COL21A1: variants seen among roughly 807,000 people sequenced by gnomAD.
The protein encoded by COL21A1 is collagen alpha-1(XXI) chain.
A neutral mutation model predicts 137.9 loss-of-function variants in COL21A1; 149 were observed. The observed-to-expected ratio is 1.08, with a 90% CI of 0.95 to 1.24. COL21A1 has a LOEUF of 1.24. Among genes scored for constraint, COL21A1 ranks in the 50% most tolerant of loss-of-function variants. The pLI, the probability that COL21A1 is intolerant of heterozygous loss-of-function variation, is 0.00. For missense variants in COL21A1, 1,167 were observed against 1,158.4 expected, an observed-to-expected ratio of 1.01 and a Z score of -0.11; for synonymous variants, 456 against 391.5, an observed-to-expected ratio of 1.16 and a Z score of -1.95.
chr6:56,238,339 A>T (rs565744654), intron 1 of COL21A1, among the ~76,000 whole-genome samples: 95 of 151,502 alleles, frequency 6.3e-4, no homozygotes, highest in African/African-American at 2.2e-3. Flanking sequence ...AAATTGATGC[A>T]TATCTATACT....
At chr6:56,336,600 T>C (rs893798737) in intron 1 of COL21A1, among the ~76,000 whole-genome samples, 3 of 152,198 alleles carry the variant, frequency 2.0e-5, no homozygotes, top group Non-Finnish European at 4.4e-5. Flanking sequence ...CATGTTTTCC[T>C]CAAGGATATG....
chr6:56,168,139 T>A lies in COL21A1; in HGVS notation c.1185A>T (p.Lys395Asn). The change falls in exon 6 of 30, where the codon AAA becomes AAT. Residue 395 changes from lysine to asparagine, a missense_variant. Lys to Asn is a moderately conservative substitution (Grantham distance 94, BLOSUM62 0). Transcript: ENST00000244728. ...GQTQIGKYSG[K>N]EETVQFDVQK... is the part of the protein sequence containing the mutation. ...ATTTATCTACCTGAACAGTTTCTTC[T>A]TTTCCAGAATATTTTCCAATTTGGG... 1.3e-6 allele frequency: 2 copies of A among 1,523,134 alleles called. No homozygotes were observed. The highest frequency in any genetic ancestry group is 1.8e-6 in the Non-Finnish European group (2 of 1,130,400). The allele number at this position is 1,523,134 out of a possible 1,614,324, so 94.4% of individuals were successfully genotyped here. A position where few individuals can be genotyped will look rare whatever the true frequency, so the allele number is the denominator to read the frequency against.
In COL21A1 at chr6:56,069,137, C is replaced by T; in HGVS notation, c.2020-20G>A. 2 of 1,552,342 alleles carry T rather than the reference C, an allele frequency of 1.3e-6. No individual in the cohort carries two copies. The highest frequency in any genetic ancestry group is 1.8e-6 in the Non-Finnish European group (2 of 1,137,124). ...TTCTCCCTATGTAACACAGAAATTC[C>T]AGAAAGATCACAGATCTACTGCTTA... On this transcript the variant is annotated intron_variant, in intron 21 of 29. Coordinates refer to ENST00000244728, the MANE Select transcript of COL21A1 (RefSeq NM_030820.4).
chr6:56,088,098 T>C (rs1768427173), intron 17 of COL21A1, among the ~76,000 whole-genome samples: 1 of 152,198 alleles, frequency 6.6e-6, no homozygotes, highest in Non-Finnish European at 1.5e-5. Context: ...GCACAGTGGC[T>C]CACACCTGTA....
intron 1 of COL21A1, among the ~76,000 whole-genome samples, chr6:56,390,495 G>GACACACACACACACACAC (rs35424168): frequency 7.2e-6 from 1 of 139,784 alleles, no homozygotes; most frequent in Non-Finnish European, 1.6e-5. Context: ...TGGCTGAATG[G>GACACACACACACACACAC]ACACACACAC....
intron 16 of COL21A1, among the ~76,000 whole-genome samples, chr6:56,116,415 A>C (rs1240523053): frequency 1.3e-5 from 2 of 150,880 alleles, no homozygotes; most frequent in Non-Finnish European, 3.0e-5. Context: ...AAAAAAAAAA[A>C]AAAAAAAAAC....
chr6:56,160,084 C>G (rs897961885), intron 9 of COL21A1, among the ~76,000 whole-genome samples: 18 of 152,224 alleles, frequency 1.2e-4, no homozygotes, highest in Non-Finnish European at 2.5e-4. Flanking sequence ...ATTGCTGTCA[C>G]TAAGTTATTC....
At position 56,074,330 on chromosome 6, in the gene COL21A1, A is replaced by G. The variant is rs376701830; in HGVS notation, c.1912-45T>C. ...TTTCAAGAGTAACTTAGAGAAGATT[A>G]TTAAAAAATATTAAATCAATTTCCA... On this transcript the variant is annotated intron_variant, in intron 19 of 29. Transcript: ENST00000244728. 162 of 1,232,728 alleles carry G rather than the reference A, an allele frequency of 1.3e-4. No individual in the cohort carries two copies. In the Middle Eastern group the frequency reaches 2.1e-3, roughly 16 times the overall value. 76.4% of individuals were successfully genotyped at this position (1,232,728 alleles called of 1,614,324 possible).
intron 9 of COL21A1, among the ~76,000 whole-genome samples, chr6:56,158,006 A>C (rs1193334096): frequency 1.3e-5 from 2 of 152,230 alleles, no homozygotes; most frequent in African/African-American, 4.8e-5. Context: ...CCCAATGGCC[A>C]GTACTGACCA....
At chr6:56,192,125 G>A (rs985549286) in intron 1 of COL21A1, among the ~76,000 whole-genome samples, 5 of 152,150 alleles carry the variant, frequency 3.3e-5, no homozygotes, top group African/African-American at 1.2e-4. Flanking sequence ...AATAAATGGT[G>A]TTGGGAAAAC....
intron 3 of COL21A1, among the ~76,000 whole-genome samples, chr6:56,175,746 C>T (rs1485713167): frequency 6.6e-6 from 1 of 152,026 alleles, no homozygotes; most frequent in African/African-American, 2.4e-5. Flanking sequence ...TATAAAAATC[C>T]CAATAACGTT....
intron 17 of COL21A1, among the ~76,000 whole-genome samples, chr6:56,082,853 C>CTTAT (rs1767909512): frequency 6.6e-6 from 1 of 151,686 alleles, no homozygotes; most frequent in African/African-American, 2.4e-5. Context: ...TCTTCTATAT[C>CTTAT]TTATTTATAA....
chr6:56,260,176 C>A (rs960652055), intron 1 of COL21A1, among the ~76,000 whole-genome samples: 3 of 152,114 alleles, frequency 2.0e-5, no homozygotes, highest in Admixed American at 1.3e-4. Context: ...ATGTTTTATC[C>A]TCCCTCAAGA....
At chr6:56,130,428 T>G (rs12212211) in intron 12 of COL21A1, among the ~76,000 whole-genome samples, 22,795 of 151,598 alleles carry the variant, frequency 0.15, 1,753 homozygotes, top group Middle Eastern at 0.22. Context: ...TAGACTAAGA[T>G]ATACTATTAA....
At chr6:56,083,915 T>A (rs550707648) in intron 17 of COL21A1, among the ~76,000 whole-genome samples, 16 of 151,954 alleles carry the variant, frequency 1.1e-4, no homozygotes, top group Non-Finnish European at 2.2e-4. Context: ...TATAATATAC[T>A]ATACTAATAA....
chr6:56,237,166 TAG>T (rs1781959861), intron 1 of COL21A1, among the ~76,000 whole-genome samples: 1 of 151,966 alleles, frequency 6.6e-6, no homozygotes, highest in Non-Finnish European at 1.5e-5. Context: ...TAAAATTCTC[TAG>T]AGTCTACAGT....
At chr6:56,123,825 T>A (rs1249194654) in intron 16 of COL21A1, among the ~76,000 whole-genome samples, 1 of 152,224 alleles carries the variant, frequency 6.6e-6, no homozygotes, top group African/African-American at 2.4e-5. Context: ...GAAGGGTTTA[T>A]TGAAGAAGTT....
chr6:56,069,299 T>C (rs1766529637), intron 21 of COL21A1, among the ~76,000 whole-genome samples, 182 bp from the exon 22 acceptor site: 1 of 151,608 alleles, frequency 6.6e-6, no homozygotes. Context: ...TTCTTGTATT[T>C]TTCTCTATCT....
At chr6:56,116,396 T>TAAAAAAA (rs370697652) in intron 16 of COL21A1, among the ~76,000 whole-genome samples, 3 of 90,834 alleles carry the variant, frequency 3.3e-5, no homozygotes, top group African/African-American at 4.3e-5. Flanking sequence ...GTGCCAAAGG[T>TAAAAAAA]AAAAAAAAAA....
Sources: allele counts gnomAD v4.1 joint callset (sites outside exome capture counted in the v4.1 genomes callset), GRCh38; gene constraint gnomAD v4.1.1; transcripts MANE v1.5; gene names NCBI Gene and HGNC (gene_info 2026-07-23, HGNC 2026-07-21).